The following TTC39A variants were observed in gnomAD, a reference collection of about 807,000 sequenced individuals.
The protein encoded by TTC39A is tetratricopeptide repeat protein 39A.
In TTC39A, 46 loss-of-function variants were observed where a neutral mutation model predicts 82.3. The observed-to-expected ratio is 0.56, with a 90% CI of 0.44 to 0.71. TTC39A has a LOEUF of 0.71. Among genes scored for constraint, TTC39A ranks in the 30% least tolerant of loss-of-function variants. The pLI is 0.00. For synonymous variants in TTC39A, 254 were observed against 275.2 expected (o/e 0.92, Z 0.76); for missense variants, 543 against 712.9 (o/e 0.76, Z 2.71).
chr1:51,288,406 G>T lies in TTC39A; in HGVS notation c.1611-126C>A. On this transcript the variant is annotated intron_variant, in intron 17 of 17. Coordinates refer to ENST00000680483, the MANE Select transcript of TTC39A (RefSeq NM_001297663.2). This position sits in a 1 kb window ranked among gnomAD's most constrained non-coding sequence, Gnocchi z 4.8. ...GTAGAGAAATTAATGTGTCCAGAGAGAGTTGAGCCCTACCCAATGGGAGAG... is the reference window on the plus strand; with the variant it reads ...GTAGAGAAATTAATGTGTCCAGAGATAGTTGAGCCCTACCCAATGGGAGAG... 6.8e-7 allele frequency: 1 copy of T among 1,472,580 alleles called. No homozygotes were observed. The allele number at this position is 1,472,580 out of a possible 1,614,324, so 91.2% of individuals were successfully genotyped here.
At chr1:51,314,030 A>G (rs1645192041) in intron 2 of TTC39A, among the ~76,000 whole-genome samples, 1 of 152,148 alleles carries the variant, frequency 6.6e-6, no homozygotes, top group Non-Finnish European at 1.5e-5. Context: ...TACTGTGGGC[A>G]CCTCGAGGAC....
intron 12 of TTC39A, chr1:51,298,207 G>T (rs72906148): frequency 0.07 from 10,674 of 152,376 alleles, 546 homozygotes; most frequent in African/African-American, 0.13. Flanking sequence ...TCCTGCTCAT[G>T]CTTGTATTTC....
At chr1:51,289,363 G>T (rs1034974977) in intron 16 of TTC39A, among the ~76,000 whole-genome samples, 1 of 152,074 alleles carries the variant, frequency 6.6e-6, no homozygotes, top group Admixed American at 6.6e-5. Context: ...AAAACATCCA[G>T]GCCCTTCTCA....
upstream of TTC39A, chr1:51,331,003 T>C (rs762259843): frequency 7.2e-6 from 5 of 697,818 alleles, no homozygotes; most frequent in Non-Finnish European, 1.0e-5. Flanking sequence ...ACTGAGTGAC[T>C]GCAGGAGACC....
chr1:51,342,926 C>T, intron 1 of TTC39A: 2 of 417,086 alleles, frequency 4.8e-6, no homozygotes, highest in Non-Finnish European at 1.0e-5. Flanking sequence ...CTAACCCATA[C>T]CCCAGCATCT....
intron 9 of TTC39A, 144 bp from the exon 10 acceptor site, chr1:51,302,717 T>G (rs940016475): frequency 2.3e-5 from 21 of 928,582 alleles, no homozygotes; most frequent in Non-Finnish European, 3.2e-5. Context: ...TAGGGTGACA[T>G]GAGGATTAAA....
intron 15 of TTC39A, 75 bp downstream of exon 15, chr1:51,290,439 A>G (rs1644162758): frequency 4.4e-6 from 6 of 1,352,490 alleles, no homozygotes; most frequent in African/African-American, 1.5e-5. Flanking sequence ...GAGGAAGGAC[A>G]TTTTTGGCAG....
chr1:51,294,991 T>C lies in TTC39A; in HGVS notation c.1146-480A>G, dbSNP rs2148128975. Among the ~76,000 whole-genome samples, 1 of 152,230 alleles carries C rather than the reference T, an allele frequency of 6.6e-6. No individual in the cohort carries two copies. The highest frequency in any genetic ancestry group is 1.5e-5 in the Non-Finnish European group (1 of 68,022). ...AGCTGTTTCCAAGGGCAGAGCAAAA[T>C]GCGGTATGCCACCAGGCACGCCCCC... is the stretch of plus-strand genomic sequence containing the variant. On this transcript the variant is annotated intron_variant, in intron 13 of 17. Coordinates refer to ENST00000680483, the MANE Select transcript of TTC39A (RefSeq NM_001297663.2). This position sits in a 1 kb window ranked among gnomAD's most constrained non-coding sequence, Gnocchi z 4.3.
intron 2 of TTC39A, among the ~76,000 whole-genome samples, chr1:51,316,916 A>G (rs1645307661): frequency 6.6e-6 from 1 of 152,242 alleles, no homozygotes; most frequent in African/African-American, 2.4e-5. Context: ...TGGTTTGTGC[A>G]GCTGGAGGAC....
intron 1 of TTC39A, among the ~76,000 whole-genome samples, chr1:51,344,778 C>A (rs1233610400): frequency 1.3e-5 from 2 of 152,272 alleles, no homozygotes; most frequent in African/African-American, 4.8e-5. Flanking sequence ...CGCGTCTACC[C>A]TCCCCAGTTC....
At chr1:51,322,345 A>T (rs1308844435) in intron 1 of TTC39A, 1 of 1,326,410 alleles carries the variant, frequency 7.5e-7, no homozygotes, top group African/African-American at 1.5e-5. Flanking sequence ...GGGCCTTTCA[A>T]ATTCACTTTG....
rs144240560 is a variant in TTC39A, at chr1:51,337,944, A to G, written c.53+7047T>C. Among the ~76,000 whole-genome samples, 1,372 of 152,224 alleles carry G rather than the reference A, an allele frequency of 9.0e-3. 17 individuals carry two copies. Among genetic ancestry groups the G allele is most frequent in the African/African-American group, 0.03 (1,266 of 41,534 alleles). On this transcript the variant is annotated intron_variant, in intron 1 of 5. Coordinates refer to the TTC39A transcript ENST00000401051. ...GGCTGGTCTTGAACTCCTGGGCTCA[A>G]GTGATCCTCCTGAGTAGCTGAGACT...
At chr1:51,317,025 T>C (rs1645310528) in intron 2 of TTC39A, among the ~76,000 whole-genome samples, 1 of 152,128 alleles carries the variant, frequency 6.6e-6, no homozygotes, top group South Asian at 2.1e-4. Flanking sequence ...GTGCGTCAGG[T>C]CAGACTCAGT....
chr1:51,302,290 C>T (rs746700582), intron 11 of TTC39A, 67 bp downstream of exon 11: 2 of 1,336,388 alleles, frequency 1.5e-6, no homozygotes, highest in Non-Finnish European at 1.0e-6. Context: ...TCACATGTGC[C>T]TGACTTCCTG....
Position 51,329,311 on chromosome 1 carries a change from T to C in TTC39A, c.41+1126A>G, listed in dbSNP as rs560622743. ...AGAAGGAACCTACCCAACCTCCAGCTTTACAAATACTTGAGCCCAGAACAG... is the reference window on the plus strand; with the variant it reads ...AGAAGGAACCTACCCAACCTCCAGCCTTACAAATACTTGAGCCCAGAACAG... On this transcript the variant is annotated intron_variant, in intron 1 of 17. Transcript: ENST00000680483. 3.3e-5 allele frequency among the ~76,000 whole-genome samples: 5 copies of C among 152,204 alleles called. No individual in the cohort carries two copies. The East Asian group carries it at 9.6e-4, about 29-fold the overall frequency.
Position 51,328,745 on chromosome 1 carries a change from T to G in TTC39A, c.41+1692A>C, listed in dbSNP as rs185811613. 4.6e-5 allele frequency among the ~76,000 whole-genome samples: 7 copies of G among 152,318 alleles called. No individual in the cohort carries two copies. In the East Asian group the frequency reaches 1.3e-3, roughly 29 times the overall value. Reference sequence around the variant, plus strand: ...AAGTTGGGTGGCAAGGGTTTGTGAGTTCATTTTACTATTTGCTATATTTTT... The same window carrying G: ...AAGTTGGGTGGCAAGGGTTTGTGAGGTCATTTTACTATTTGCTATATTTTT... On this transcript the variant is annotated intron_variant, in intron 1 of 17. Transcript: ENST00000680483.
At chr1:51,322,063 T>TG (rs2148281513) in intron 1 of TTC39A, 1 of 1,537,162 alleles carries the variant, frequency 6.5e-7, no homozygotes, top group Admixed American at 2.0e-5. Flanking sequence ...CTGTTGGAGG[T>TG]GGGGGAGGGG....
In TTC39A at chr1:51,294,267, C is replaced by A. The variant is rs1644327806; in HGVS notation, c.1266+124G>T. ...CCAGACTCCCAGGTGAATTGTGAAA[C>A]CCTCCCCAGGCCCCTGAGGCATGAA... On this transcript the variant is annotated intron_variant, in intron 14 of 17. Transcript: ENST00000680483. The surrounding 1 kb of genome is among the most constrained non-coding windows in gnomAD (Gnocchi z 4.3). 2 of 1,470,886 alleles carry A rather than the reference C, an allele frequency of 1.4e-6. No homozygotes were observed. The highest frequency in any genetic ancestry group is 1.8e-6 in the Non-Finnish European group (2 of 1,098,494). 91.1% of individuals were successfully genotyped at this position (1,470,886 alleles called of 1,614,324 possible). A position where few individuals can be genotyped will look rare whatever the true frequency, so the allele number is the denominator to read the frequency against.
rs1644670310 is a variant in TTC39A at position 51,301,821 on chromosome 1, C to T, written c.892-88G>A. 9.2e-6 allele frequency: 14 copies of T among 1,529,180 alleles called. No individual in the cohort carries two copies. The Admixed American group carries it at 1.6e-4, about 17-fold the overall frequency. The allele number at this position is 1,529,180 out of a possible 1,614,324, so 94.7% of individuals were successfully genotyped here. ...CGAACCTCCCAACACCACAGCAGAC[C>T]GGGACTCCTCCAGGGCATAGTGGTC... On this transcript the variant is annotated intron_variant, in intron 11 of 17. Coordinates refer to ENST00000680483, the MANE Select transcript of TTC39A (RefSeq NM_001297663.2).
Sources: allele counts gnomAD v4.1 joint callset (sites outside exome capture counted in the v4.1 genomes callset), GRCh38; gene constraint gnomAD v4.1.1; non-coding constraint Gnocchi (gnomAD v3.1); transcripts MANE v1.5; gene names NCBI Gene and HGNC (gene_info 2026-07-23, HGNC 2026-07-21).